OR4M1: variants seen among roughly 807,000 people sequenced by gnomAD.
OR4M1 encodes olfactory receptor family 4 subfamily M member 1.
OR4M1 carries 7 observed loss-of-function variants against 9.8 expected under a neutral mutation model. The ratio of observed to expected loss-of-function variants is 0.71; its 90% CI spans 0.41 to 1.34. The LOEUF is 1.34. OR4M1 is among the 40% of genes most tolerant of loss of function. OR4M1 has a pLI of 0.01. For synonymous variants in OR4M1, 121 were observed against 139.8 expected (o/e 0.87, Z 0.95); for missense variants, 331 against 380.4 (o/e 0.87, Z 1.08).
At position 19,782,080 on chromosome 14, in the gene OR4M1, T is replaced by A. The variant is rs993754303; in HGVS notation, c.*816T>A. 1 of 152,282 alleles carries A rather than the reference T, an allele frequency of 6.6e-6. No homozygotes were observed. Among genetic ancestry groups the A allele is most frequent in the Non-Finnish European group, 1.5e-5 (1 of 68,082 alleles). 9.4% of individuals were successfully genotyped at this position (152,282 alleles called of 1,614,324 possible). A position where few individuals can be genotyped will look rare whatever the true frequency, so the allele number is the denominator to read the frequency against. ...TTGGTAGACATCTAGCCGTGTAGTTTTTTTCTAAACTATCATCTCCTTTGC... is the reference window on the plus strand; with the variant it reads ...TTGGTAGACATCTAGCCGTGTAGTTATTTTCTAAACTATCATCTCCTTTGC... On this transcript the variant is annotated 3_prime_UTR_variant, in exon 2 of 2. Transcript: ENST00000641200.
intron 1 of OR4M1, among the ~76,000 whole-genome samples, chr14:19,774,897 G>A (rs1264709702): frequency 6.6e-6 from 1 of 152,212 alleles, no homozygotes; most frequent in African/African-American, 2.4e-5. Flanking sequence ...AAGGCACTGA[G>A]AAATAAAATA....
chr14:19,776,120 A>T (rs1373131175), intron 1 of OR4M1, among the ~76,000 whole-genome samples: 1 of 152,220 alleles, frequency 6.6e-6, no homozygotes, highest in Non-Finnish European at 1.5e-5. Context: ...ATTAATTCGC[A>T]TTATTTCTAA....
chr14:19,782,817 C>T lies in OR4M1; in HGVS notation c.*1553C>T, dbSNP rs909490151. On this transcript the variant is annotated 3_prime_UTR_variant, in exon 2 of 2. Coordinates refer to ENST00000641200, the MANE Select transcript of OR4M1 (RefSeq NM_001005500.2). ...TGAATAAAGCAGTAGACTTCTCTAA[C>T]ATTTTGTAACACAGCATGAAAAAAT... is the stretch of plus-strand genomic sequence containing the variant. 9 of 152,030 alleles carry T rather than the reference C, an allele frequency of 5.9e-5. No individual in the cohort carries two copies. Among genetic ancestry groups the T allele is most frequent in the African/African-American group, 2.2e-4 (9 of 41,424 alleles). 9.4% of individuals were successfully genotyped at this position (152,030 alleles called of 1,614,324 possible).
Position 19,781,985 on chromosome 14 carries a change from T to C in OR4M1, c.*721T>C, listed in dbSNP as rs988575950. The stretch of plus-strand genomic sequence containing the variant: ...GCCTCCAGGCAACTAGCAATTTTTA[T>C]AGCCAGTCCCTACTTACATCCTTCA... On this transcript the variant is annotated 3_prime_UTR_variant, in exon 2 of 2. Coordinates refer to ENST00000641200, the MANE Select transcript of OR4M1 (RefSeq NM_001005500.2). 4 of 152,428 alleles carry C rather than the reference T, an allele frequency of 2.6e-5. No individual in the cohort carries two copies. The highest frequency in any genetic ancestry group is 9.6e-5 in the African/African-American group (4 of 41,470). The allele number at this position is 152,428 out of a possible 1,614,324, so 9.4% of individuals were successfully genotyped here. A position where few individuals can be genotyped will look rare whatever the true frequency, so the allele number is the denominator to read the frequency against.
intron 1 of OR4M1, among the ~76,000 whole-genome samples, chr14:19,776,232 G>T (rs1311816929): frequency 1.3e-5 from 2 of 152,108 alleles, no homozygotes; most frequent in Non-Finnish European, 2.9e-5. Flanking sequence ...ACTCTTCATA[G>T]GATTTTAGAG....
At position 19,781,164 on chromosome 14, in the gene OR4M1, T is replaced by C; in HGVS notation, c.842T>C (p.Phe281Ser). The C allele has an allele frequency of 6.2e-7, 1 of 1,614,226 alleles. No individual in the cohort carries two copies. Among genetic ancestry groups the C allele is most frequent in the Non-Finnish European group, 8.5e-7 (1 of 1,180,036 alleles). Residue 281 changes from phenylalanine (F) to serine (S), a missense_variant, in exon 2 of 2, where the codon TTC becomes TCC. By Grantham distance (155) the Phe-to-Ser change is radical (BLOSUM62 -2). Transcript: ENST00000641200. ...GTGTCTGTGTTTCATACTGTAATAT[T>C]CCCTTTACTTAATCCCATTATTTAC... ...KVVSVFHTVI[F>S]PLLNPIIYTL...
At chr14:19,778,313 G>A (rs1368001143) in intron 1 of OR4M1, among the ~76,000 whole-genome samples, 2 of 152,130 alleles carry the variant, frequency 1.3e-5, no homozygotes, top group African/African-American at 2.4e-5. Flanking sequence ...TTCTGTTTTG[G>A]TGGAATGGGT....
chr14:19,774,632 A>G (rs1172649506), intron 1 of OR4M1, among the ~76,000 whole-genome samples: 1 of 152,252 alleles, frequency 6.6e-6, no homozygotes, highest in Non-Finnish European at 1.5e-5. Flanking sequence ...TACAAAACTC[A>G]TACAAAATTT....
rs1186785488 is a variant in OR4M1 at position 19,782,747 on chromosome 14, T to C, written c.*1483T>C. On this transcript the variant is annotated 3_prime_UTR_variant, in exon 2 of 2. Coordinates refer to ENST00000641200, the MANE Select transcript of OR4M1 (RefSeq NM_001005500.2). ...CTAGGAACCCAAAGGCATGGATTGATGTTATGAGTCCTGATTTTTGAGTTG... is the reference window on the plus strand; with the variant it reads ...CTAGGAACCCAAAGGCATGGATTGACGTTATGAGTCCTGATTTTTGAGTTG... 1 of 152,252 alleles carries C rather than the reference T, an allele frequency of 6.6e-6. No homozygotes were observed. The highest frequency in any genetic ancestry group is 1.5e-5 in the Non-Finnish European group (1 of 68,048). 9.4% of individuals were successfully genotyped at this position (152,252 alleles called of 1,614,324 possible). A position where few individuals can be genotyped will look rare whatever the true frequency, so the allele number is the denominator to read the frequency against.
chr14:19,775,394 C>T (rs527555153), intron 1 of OR4M1, among the ~76,000 whole-genome samples: 11 of 152,168 alleles, frequency 7.2e-5, no homozygotes, highest in Admixed American at 5.2e-4. Context: ...ATTTCCCAGC[C>T]TGTCATAATA....
At chr14:19,773,922 T>C (rs1362596786) in intron 1 of OR4M1, among the ~76,000 whole-genome samples, 1 of 152,232 alleles carries the variant, frequency 6.6e-6, no homozygotes, top group Non-Finnish European at 1.5e-5. Context: ...GAGAAGGCTG[T>C]TTTGATTTAT....
intron 1 of OR4M1, among the ~76,000 whole-genome samples, chr14:19,775,326 T>C (rs1264213180): frequency 6.6e-6 from 1 of 152,176 alleles, no homozygotes; most frequent in African/African-American, 2.4e-5. Flanking sequence ...TCACTCAGTA[T>C]ATATTCCTTC....
chr14:19,774,293 A>G (rs190397414), intron 1 of OR4M1, among the ~76,000 whole-genome samples: 1 of 152,208 alleles, frequency 6.6e-6, no homozygotes, highest in East Asian at 1.9e-4. Context: ...AATTAATAAA[A>G]ACAATTAGAT....
At chr14:19,778,571 A>G (rs1290441576) in intron 1 of OR4M1, among the ~76,000 whole-genome samples, 1 of 152,242 alleles carries the variant, frequency 6.6e-6, no homozygotes, top group African/African-American at 2.4e-5. Flanking sequence ...ATAATATTTC[A>G]GATGCTTTTG....
At chr14:19,780,217 A>G in intron 1 of OR4M1, 77 bp from the exon 2 acceptor site, 1 of 1,256,908 alleles carries the variant, frequency 8.0e-7, no homozygotes, top group Admixed American at 2.5e-5. Flanking sequence ...CAGAAAACGT[A>G]TGACAATTTT....
rs1878491804 is a variant in OR4M1 at position 19,781,296 on chromosome 14, A to T, written c.*32A>T. 1 of 1,524,892 alleles carries T rather than the reference A, an allele frequency of 6.6e-7. No individual in the cohort carries two copies. Among genetic ancestry groups the T allele is most frequent in the African/African-American group, 1.4e-5 (1 of 72,372 alleles). The allele number at this position is 1,524,892 out of a possible 1,614,324, so 94.5% of individuals were successfully genotyped here. The stretch of plus-strand genomic sequence containing the variant: ...AATTATACATTTTATAGTCCTCCTG[A>T]GGATCATTGTCCTAAAGCAGGAAGT... On this transcript the variant is annotated 3_prime_UTR_variant, in exon 2 of 2. Transcript: ENST00000641200.
intron 1 of OR4M1, among the ~76,000 whole-genome samples, chr14:19,773,799 C>T (rs1160703155): frequency 6.6e-6 from 1 of 152,214 alleles, no homozygotes; most frequent in Non-Finnish European, 1.5e-5. Context: ...ATTGTTTCTT[C>T]TCGGCCTTGA....
Position 19,780,353 on chromosome 14 carries a change from G to A in OR4M1, c.31G>A (p.Glu11Lys), listed in dbSNP as rs145532343. The A allele has an allele frequency of 9.0e-5, 145 of 1,613,452 alleles. 1 individual carries two copies. In the African/African-American group the frequency reaches 1.5e-3, roughly 17 times the overall value. METANYTKVT[E>K]FVLTGLSQTR... ...AACTGCAAATTACACCAAGGTGACA[G>A]AATTTGTTCTCACTGGCCTATCCCA... The change falls in exon 2 of 2, where the codon GAA (glutamate) becomes AAA (lysine). Residue 11 changes from glutamate (E) to lysine (K), a missense_variant. Glu to Lys is a moderately conservative substitution (Grantham distance 56). Coordinates refer to ENST00000641200, the MANE Select transcript of OR4M1 (RefSeq NM_001005500.2).
intron 1 of OR4M1, 103 bp downstream of exon 1, chr14:19,773,696 G>A (rs1167503690): frequency 1.3e-5 from 2 of 152,506 alleles, no homozygotes; most frequent in Admixed American, 6.5e-5. Context: ...TCAGAGACCA[G>A]TGGTTAGAAA....
Sources: allele counts gnomAD v4.1 joint callset (sites outside exome capture counted in the v4.1 genomes callset), GRCh38; gene constraint gnomAD v4.1.1; transcripts MANE v1.5; gene names NCBI Gene and HGNC (gene_info 2026-07-23, HGNC 2026-07-21).